The following DPYD variants were observed in gnomAD, a reference collection of about 807,000 sequenced individuals.
The protein encoded by DPYD is dihydropyrimidine dehydrogenase.
A neutral mutation model predicts 116.2 loss-of-function variants in DPYD; 109 were observed. The ratio of observed to expected loss-of-function variants is 0.94; its 90% CI spans 0.80 to 1.10. The LOEUF is 1.10. DPYD is among the 50% of genes least tolerant of loss of function. DPYD has a pLI of 0.00. For synonymous variants in DPYD, 440 were observed against 432.0 expected (o/e 1.02, Z -0.23); for missense variants, 1,302 against 1,254.5 (o/e 1.04, Z -0.57).
chr1:97,909,263 C>T (rs1170729561), intron 1 of DPYD, among the ~76,000 whole-genome samples: 2 of 151,992 alleles, frequency 1.3e-5, no homozygotes, highest in Non-Finnish European at 2.9e-5. Flanking sequence ...ACCCAATGTG[C>T]CACCTCTGTC....
intron 6 of DPYD, among the ~76,000 whole-genome samples, chr1:97,698,680 ATTCT>A (rs1396670817): frequency 3.3e-5 from 5 of 151,968 alleles, no homozygotes; most frequent in African/African-American, 1.2e-4. Flanking sequence ...TACCATCCAA[ATTCT>A]TTATTTTGTA....
intron 10 of DPYD, among the ~76,000 whole-genome samples, chr1:97,580,624 T>C (rs765724498): frequency 6.6e-5 from 10 of 152,230 alleles, no homozygotes; most frequent in African/African-American, 2.4e-4. Flanking sequence ...CTGAACCTTT[T>C]CCTAAGCCCA....
At position 97,902,312 on chromosome 1, in the gene DPYD, G is replaced by A. The variant is rs140353309; in HGVS notation, c.39+18572C>T. ...AAAATATCACTACAATGAGGCTCCT[G>A]AATACTTTGAATTATCCATGACTTT... is the stretch of plus-strand genomic sequence containing the variant. On this transcript the variant is annotated intron_variant, in intron 1 of 22. Transcript: ENST00000370192. Among the ~76,000 whole-genome samples the A allele has an allele frequency of 3.6e-3, 540 of 151,706 alleles. 1 individual carries two copies. Among genetic ancestry groups the A allele is most frequent in the African/African-American group, 0.012 (517 of 41,452 alleles).
intron 8 of DPYD, among the ~76,000 whole-genome samples, chr1:97,604,015 C>G (rs759996916): frequency 5.3e-5 from 8 of 152,088 alleles, no homozygotes; most frequent in Non-Finnish European, 8.8e-5. Context: ...GCCTTCAGAG[C>G]TCTGCAAAGT....
chr1:97,291,271 C>G (rs1290918746), intron 18 of DPYD, among the ~76,000 whole-genome samples: 1 of 152,120 alleles, frequency 6.6e-6, no homozygotes, highest in Non-Finnish European at 1.5e-5. Context: ...TTATGGAAGT[C>G]AGTGTGGCGA....
rs115026603 is a variant in DPYD, at chr1:97,153,748, A to G, written c.2622+39321T>C. Reference sequence around the variant, plus strand: ...GGGAGAAAATCTTCATGATCTATACATCCAACGAAGGACTAATGTCCAGAA... The same window carrying G: ...GGGAGAAAATCTTCATGATCTATACGTCCAACGAAGGACTAATGTCCAGAA... On this transcript the variant is annotated intron_variant, in intron 20 of 22. Coordinates refer to ENST00000370192, the MANE Select transcript of DPYD (RefSeq NM_000110.4). 6.6e-3 allele frequency among the ~76,000 whole-genome samples: 998 copies of G among 152,296 alleles called. 13 individuals are homozygous for G. The highest frequency in any genetic ancestry group is 0.023 in the African/African-American group (958 of 41,554).
intron 16 of DPYD, among the ~76,000 whole-genome samples, chr1:97,312,355 G>A (rs757711731): frequency 7.9e-5 from 12 of 151,656 alleles, no homozygotes; most frequent in Non-Finnish European, 1.8e-4. Flanking sequence ...AGAACAATGT[G>A]GTAATATGTA....
intron 13 of DPYD, among the ~76,000 whole-genome samples, chr1:97,487,244 G>A (rs561733777): frequency 6.6e-6 from 1 of 152,006 alleles, no homozygotes; most frequent in Non-Finnish European, 1.5e-5. Context: ...TTCTATTAAT[G>A]AGTGACCTCC....
intron 3 of DPYD, among the ~76,000 whole-genome samples, chr1:97,759,172 C>T (rs1164876807): frequency 6.6e-6 from 1 of 152,102 alleles, no homozygotes; most frequent in Non-Finnish European, 1.5e-5. Context: ...GTCTGTATAC[C>T]AGCGTTACTG....
intron 10 of DPYD, among the ~76,000 whole-genome samples, chr1:97,577,068 A>G (rs1331956456): frequency 6.6e-6 from 1 of 152,206 alleles, no homozygotes; most frequent in Non-Finnish European, 1.5e-5. Context: ...GGAAATAGGG[A>G]AATACTAGGA....
chr1:97,157,424 G>C (rs747769634), intron 20 of DPYD, among the ~76,000 whole-genome samples: 1 of 152,012 alleles, frequency 6.6e-6, no homozygotes, highest in East Asian at 1.9e-4. Context: ...TTCTTATTGG[G>C]AAGACTTATC....
intron 6 of DPYD, among the ~76,000 whole-genome samples, chr1:97,693,285 C>T (rs1345585377): frequency 5.6e-5 from 6 of 107,096 alleles, no homozygotes; most frequent in African/African-American, 1.6e-4. Flanking sequence ...AGCCAGACTC[C>T]GTCTCAAAAA....
chr1:97,201,525 T>A (rs939810619), intron 19 of DPYD, among the ~76,000 whole-genome samples: 2 of 152,172 alleles, frequency 1.3e-5, no homozygotes, highest in Non-Finnish European at 2.9e-5. Flanking sequence ...TGGCATTGCT[T>A]ACTGGAATTC....
At chr1:97,213,961 C>G (rs1660209582) in intron 19 of DPYD, among the ~76,000 whole-genome samples, 1 of 152,138 alleles carries the variant, frequency 6.6e-6, no homozygotes, top group Non-Finnish European at 1.5e-5. Flanking sequence ...GTCTGCTTGT[C>G]AAATCCCTTT....
intron 19 of DPYD, among the ~76,000 whole-genome samples, chr1:97,220,527 G>T (rs72726639): frequency 1.3e-5 from 2 of 152,096 alleles, no homozygotes; most frequent in Non-Finnish European, 2.9e-5. Context: ...CAGGTCTCAG[G>T]TGTCTGAGAA....
At chr1:97,731,576 T>C (rs1389133172) in intron 4 of DPYD, among the ~76,000 whole-genome samples, 1 of 152,048 alleles carries the variant, frequency 6.6e-6, no homozygotes. Flanking sequence ...ACTTTGTTAA[T>C]ATCGATAGTA....
intron 13 of DPYD, among the ~76,000 whole-genome samples, chr1:97,495,116 G>T (rs1679190303): frequency 1.3e-5 from 2 of 152,222 alleles, no homozygotes; most frequent in African/African-American, 4.8e-5. Flanking sequence ...ACATGTTAAG[G>T]CTTCTGTTAT....
intron 13 of DPYD, among the ~76,000 whole-genome samples, chr1:97,468,599 C>T (rs969336809): frequency 6.6e-6 from 1 of 152,188 alleles, no homozygotes; most frequent in Non-Finnish European, 1.5e-5. Flanking sequence ...TCTAACCCAT[C>T]TATGACATTT....
chr1:97,818,064 G>T (rs931122127), intron 3 of DPYD, among the ~76,000 whole-genome samples: 2 of 151,970 alleles, frequency 1.3e-5, no homozygotes, highest in African/African-American at 4.8e-5. Context: ...AGGGGAAAAT[G>T]CAGTTTTTTC....
Sources: allele counts gnomAD v4.1 joint callset (sites outside exome capture counted in the v4.1 genomes callset), GRCh38; gene constraint gnomAD v4.1.1; transcripts MANE v1.5; gene names NCBI Gene and HGNC (gene_info 2026-07-23, HGNC 2026-07-21).